The following MYBL1 variants were observed in gnomAD, a reference collection of about 807,000 sequenced individuals.
The protein encoded by MYBL1 is MYB proto-oncogene like 1.
A neutral mutation model predicts 96.3 loss-of-function variants in MYBL1; 17 were observed. The observed-to-expected ratio is 0.18, with a 90% CI of 0.12 to 0.26. The LOEUF (loss-of-function observed/expected upper bound fraction) is 0.26. Ranked by LOEUF, MYBL1 falls within the 10% of genes least tolerant of loss-of-function variation. MYBL1 has a pLI of 1.00. For missense variants in MYBL1, 701 were observed against 882.9 expected (o/e 0.79, Z 2.61); for synonymous variants, 282 against 292.7 (o/e 0.96, Z 0.37).
Position 66,601,786 on chromosome 8 carries a change from A to G in MYBL1, c.127-17T>C. 1 of 1,381,914 alleles carries G rather than the reference A, an allele frequency of 7.2e-7. No individual in the cohort carries two copies. The highest frequency in any genetic ancestry group is 1.3e-5 in the South Asian group (1 of 75,824). 85.6% of individuals were successfully genotyped at this position (1,381,914 alleles called of 1,614,324 possible). On this transcript the variant is annotated splice_polypyrimidine_tract_variant and intron_variant, in intron 2 of 15. Transcript: ENST00000522677. ...TTTATCATCCTATTAAAACAGTACA[A>G]AAATTAGAAAGCTTTCCCCCCGTCC...
chr8:66,601,018 A>C (rs76202523), intron 3 of MYBL1, among the ~76,000 whole-genome samples: 1 of 151,652 alleles, frequency 6.6e-6, no homozygotes, highest in Non-Finnish European at 1.5e-5. Flanking sequence ...TAAAAAAAAA[A>C]TACAAAAAGT....
intron 14 of MYBL1, among the ~76,000 whole-genome samples, chr8:66,566,463 T>C (rs867032834): frequency 6.6e-6 from 1 of 152,142 alleles, no homozygotes; most frequent in African/African-American, 2.4e-5. Context: ...TGACATCAGA[T>C]ATAAGGCAGC....
intron 12 of MYBL1, 102 bp downstream of exon 12, chr8:66,572,380 T>TA (rs1808770662): frequency 1.7e-6 from 1 of 589,512 alleles, no homozygotes. Flanking sequence ...TCTGTTTCAG[T>TA]AAATATCTTT....
chr8:66,567,411 G>A (rs972549893), intron 12 of MYBL1, among the ~76,000 whole-genome samples: 1 of 151,930 alleles, frequency 6.6e-6, no homozygotes, highest in African/African-American at 2.4e-5. Flanking sequence ...TAGTTAACAC[G>A]TTTGTTACCA....
At chr8:66,580,806 C>T in intron 8 of MYBL1, among the ~76,000 whole-genome samples, 1 of 152,034 alleles carries the variant, frequency 6.6e-6, no homozygotes, top group Admixed American at 6.6e-5. Flanking sequence ...TATTGCTGCT[C>T]CCTCTATCTA....
intron 9 of MYBL1, among the ~76,000 whole-genome samples, chr8:66,579,496 A>G (rs957901954): frequency 1.1e-4 from 17 of 151,984 alleles, no homozygotes; most frequent in African/African-American, 4.1e-4. Flanking sequence ...ATCTCCACTA[A>G]AAATATAAAA....
intron 1 of MYBL1, among the ~76,000 whole-genome samples, 176 bp from the exon 2 acceptor site, chr8:66,602,699 C>CTATATATATATATATATATATATATA (rs67236935): frequency 3.7e-5 from 1 of 27,264 alleles, no homozygotes; most frequent in African/African-American, 1.5e-4. Flanking sequence ...TGGGGTGGAG[C>CTATATATATATATATATATATATATA]TATATATATA....
intron 10 of MYBL1, 111 bp from the exon 11 acceptor site, chr8:66,573,617 T>G: frequency 1.1e-6 from 1 of 947,618 alleles, no homozygotes; most frequent in East Asian, 2.8e-5. Context: ...AAAAAAAGCT[T>G]ATGAATAATA....
intron 6 of MYBL1, among the ~76,000 whole-genome samples, chr8:66,593,854 G>T (rs1187425959): frequency 1.3e-5 from 2 of 152,044 alleles, no homozygotes; most frequent in South Asian, 2.1e-4. Flanking sequence ...TTAAAATCGG[G>T]GCCGGGTACA....
intron 6 of MYBL1, among the ~76,000 whole-genome samples, chr8:66,594,896 C>A (rs1809790601): frequency 6.6e-6 from 1 of 152,152 alleles, no homozygotes; most frequent in Non-Finnish European, 1.5e-5. Flanking sequence ...CTGACTTAAT[C>A]TTTACAATTT....
chr8:66,577,411 A>G, intron 9 of MYBL1, among the ~76,000 whole-genome samples: 1 of 149,138 alleles, frequency 6.7e-6, no homozygotes, highest in Non-Finnish European at 1.5e-5. Context: ...TACAAAAATC[A>G]CAAGCATTCT....
intron 4 of MYBL1, among the ~76,000 whole-genome samples, chr8:66,598,121 T>C (rs1284047859): frequency 6.6e-6 from 1 of 152,210 alleles, no homozygotes; most frequent in Admixed American, 6.5e-5. Flanking sequence ...AAGTTTAATA[T>C]ATGTTGATAT....
intron 3 of MYBL1, among the ~76,000 whole-genome samples, chr8:66,599,711 A>G (rs1809992190): frequency 6.6e-6 from 1 of 152,102 alleles, no homozygotes; most frequent in Non-Finnish European, 1.5e-5. Context: ...GAGGCAGAAG[A>G]ATTGCTTGAA....
At chr8:66,596,050 G>C (rs1343795266) in intron 5 of MYBL1, among the ~76,000 whole-genome samples, 1 of 152,150 alleles carries the variant, frequency 6.6e-6, no homozygotes, top group Non-Finnish European at 1.5e-5. Flanking sequence ...GGAAGTGTGG[G>C]AGTGGGAAGG....
At position 66,564,501 on chromosome 8, in the gene MYBL1, A is replaced by T. The variant is rs1808426883; in HGVS notation, c.*196T>A. On this transcript the variant is annotated 3_prime_UTR_variant, in exon 16 of 16. Coordinates refer to ENST00000522677, the MANE Select transcript of MYBL1 (RefSeq NM_001080416.4). ...ATTTTTAAAAATCTCATCTCTTAAA[A>T]AATAAACTATGAAACTATCTACCCC... 2.8e-6 allele frequency: 1 copy of T among 355,538 alleles called. No individual in the cohort carries two copies. Among genetic ancestry groups the T allele is most frequent in the African/African-American group, 2.1e-5 (1 of 47,530 alleles). The allele number at this position is 355,538 out of a possible 1,614,324, so 22.0% of individuals were successfully genotyped here.
At chr8:66,574,905 T>C (rs1271146853) in intron 10 of MYBL1, among the ~76,000 whole-genome samples, 1 of 152,120 alleles carries the variant, frequency 6.6e-6, no homozygotes, top group Admixed American at 6.5e-5. Context: ...AAATACAAAA[T>C]TAGCCGGGCG....
chr8:66,573,996 T>G, intron 10 of MYBL1, among the ~76,000 whole-genome samples: 1 of 150,072 alleles, frequency 6.7e-6, no homozygotes, highest in East Asian at 1.9e-4. Context: ...TACAGCTGTC[T>G]GGCAAATTTG....
chr8:66,604,793 A>G (rs1486939561), intron 1 of MYBL1, among the ~76,000 whole-genome samples: 2 of 152,216 alleles, frequency 1.3e-5, no homozygotes, highest in African/African-American at 4.8e-5. Flanking sequence ...GATGAGGGAC[A>G]TGGAAGAAGG....
rs114338735 is a variant in MYBL1 at position 66,574,261 on chromosome 8, C to T, written c.1471-755G>A. ...ATTAGTAATCAAACCCTCTTTTACACGATAAAATCCAAGCAGTTTGCCATG... is the reference window on the plus strand; with the variant it reads ...ATTAGTAATCAAACCCTCTTTTACATGATAAAATCCAAGCAGTTTGCCATG... On this transcript the variant is annotated intron_variant, in intron 10 of 15. Transcript: ENST00000522677. Among the ~76,000 whole-genome samples the T allele has an allele frequency of 4.3e-3, 647 of 152,224 alleles. 5 individuals are homozygous for T. The highest frequency in any genetic ancestry group is 0.015 in the African/African-American group (619 of 41,548).
Sources: allele counts gnomAD v4.1 joint callset (sites outside exome capture counted in the v4.1 genomes callset), GRCh38; gene constraint gnomAD v4.1.1; transcripts MANE v1.5; gene names NCBI Gene and HGNC (gene_info 2026-07-23, HGNC 2026-07-21).